ALDH1L1: variants seen among roughly 807,000 people sequenced by gnomAD.
ALDH1L1 encodes aldehyde dehydrogenase 1 family member L1.
A neutral mutation model predicts 101.1 loss-of-function variants in ALDH1L1; 68 were observed. The observed-to-expected ratio is 0.67, with a 90% CI of 0.55 to 0.82. The LOEUF (loss-of-function observed/expected upper bound fraction) is 0.82, where lower values mean the gene tolerates loss of function less well. ALDH1L1 is among the 40% of genes least tolerant of loss of function. The pLI is 0.00. For synonymous variants in ALDH1L1, 486 were observed against 470.8 expected (o/e 1.03, Z -0.42); for missense variants, 1,087 against 1,172.7 (o/e 0.93, Z 1.07).
At chr3:126,112,676 C>A (rs1576413711) in intron 19 of ALDH1L1, 106 bp downstream of exon 19, 2 of 1,085,598 alleles carry the variant, frequency 1.8e-6, no homozygotes, top group African/African-American at 1.5e-5. Flanking sequence ...CCAGGAGGAG[C>A]CCAGCCTCAC....
At chr3:126,116,064 T>G (rs2079963377) in intron 17 of ALDH1L1, among the ~76,000 whole-genome samples, 2 of 150,786 alleles carry the variant, frequency 1.3e-5, no homozygotes, top group Admixed American at 1.3e-4. Context: ...GTATTTTTTG[T>G]AGAGATGGGG....
intron 19 of ALDH1L1, 75 bp from the exon 20 acceptor site, chr3:126,110,184 T>G (rs940958546): frequency 2.4e-5 from 37 of 1,563,606 alleles, no homozygotes; most frequent in Middle Eastern, 1.7e-4. Flanking sequence ...CTGACTCAGC[T>G]CTCATGGCTG....
At chr3:126,142,230 G>A (rs2080582837) in intron 9 of ALDH1L1, among the ~76,000 whole-genome samples, 1 of 149,308 alleles carries the variant, frequency 6.7e-6, no homozygotes, top group Non-Finnish European at 1.5e-5. Flanking sequence ...GAAAAGCCCA[G>A]GGCTGAATGA....
Position 126,119,345 on chromosome 3 carries a change from G to A in ALDH1L1, c.1889-1247C>T, listed in dbSNP as rs1224175830. Among the ~76,000 whole-genome samples the A allele has an allele frequency of 2.0e-5, 3 of 152,294 alleles. No homozygotes were observed. In the South Asian group the frequency reaches 6.2e-4, roughly 32 times the overall value. On this transcript the variant is annotated intron_variant, in intron 16 of 22. Transcript: ENST00000393434. The stretch of plus-strand genomic sequence containing the variant: ...TCTCAAATTCAACATATTTGAAACT[G>A]AACTCTTAATCGTTCACCTAGACCT...
intron 22 of ALDH1L1, 33 bp downstream of exon 22, chr3:126,105,693 A>G: frequency 6.2e-7 from 1 of 1,612,898 alleles, no homozygotes; most frequent in East Asian, 2.2e-5. Flanking sequence ...GAATGAATAA[A>G]TGAAAGCAAC....
At chr3:126,137,019 G>A (rs769565104) in intron 10 of ALDH1L1, 136 bp from the exon 11 acceptor site, 37 of 1,295,854 alleles carry the variant, frequency 2.9e-5, no homozygotes, top group Non-Finnish European at 3.8e-5. Context: ...CAACAGCTGA[G>A]CAGGGGAGAG....
chr3:126,169,547 A>G (rs2081233652), intron 1 of ALDH1L1, among the ~76,000 whole-genome samples: 1 of 152,224 alleles, frequency 6.6e-6, no homozygotes, highest in Non-Finnish European at 1.5e-5. Context: ...GTCCCTGTAC[A>G]GGGTTTCTGA....
At chr3:126,114,762 A>C (rs1428995614) in intron 17 of ALDH1L1, 106 bp from the exon 18 acceptor site, 1 of 1,082,162 alleles carries the variant, frequency 9.2e-7, no homozygotes, top group South Asian at 1.3e-5. Context: ...GCTTTGCTGC[A>C]AGAAGCAAGA....
Position 126,110,354 on chromosome 3 carries a change from G to A in ALDH1L1, c.2182-245C>T, listed in dbSNP as rs72965963. The stretch of plus-strand genomic sequence containing the variant: ...CAGCAACATATGGGCTGGAAATGGA[G>A]ACATACAGGGGTGTGGGTGAGGAGG... On this transcript the variant is annotated intron_variant, in intron 19 of 22. Transcript: ENST00000393434. 1.6e-3 allele frequency: 886 copies of A among 566,088 alleles called. 6 individuals are homozygous for A. The highest frequency in any genetic ancestry group is 0.015 in the African/African-American group (809 of 53,380). 35.1% of individuals were successfully genotyped at this position (566,088 alleles called of 1,614,324 possible).
intron 1 of ALDH1L1, among the ~76,000 whole-genome samples, chr3:126,178,049 A>AG (rs938436851): frequency 3.3e-5 from 5 of 150,694 alleles, no homozygotes; most frequent in African/African-American, 1.2e-4. Flanking sequence ...TCAAAAAGAA[A>AG]AAAGCTGTAA....
intron 1 of ALDH1L1, among the ~76,000 whole-genome samples, chr3:126,166,353 T>C (rs4679102): frequency 0.6 from 91,461 of 151,994 alleles, 27,743 homozygotes; most frequent in Middle Eastern, 0.65. Context: ...AATTCCTGCA[T>C]ATAACTCAAT....
At chr3:126,187,027 C>T (rs560974100) in intron 1 of ALDH1L1, among the ~76,000 whole-genome samples, 7 of 152,236 alleles carry the variant, frequency 4.6e-5, no homozygotes, top group African/African-American at 1.4e-4. Context: ...CAGGGCTGCT[C>T]AGGGGGAGCG....
intron 16 of ALDH1L1, among the ~76,000 whole-genome samples, chr3:126,118,852 C>T (rs1334804555): frequency 6.6e-6 from 1 of 152,108 alleles, no homozygotes; most frequent in Non-Finnish European, 1.5e-5. Context: ...GATTCCTGCC[C>T]CGTCCCACGC....
At position 126,135,618 on chromosome 3, in the gene ALDH1L1, C is replaced by T. The variant is rs751640921; in HGVS notation, c.1389G>A (p.Lys463=). ...AGGCATCCTTGGCTGCGGCCACTGCCTTGTCGACGTCGGTGACTTGGGCCA... is the reference window on the plus strand; with the variant it reads ...AGGCATCCTTGGCTGCGGCCACTGCTTTGTCGACGTCGGTGACTTGGGCCA... ...VSLAQVTDVD[K]AVAAAKDAFE... Residue 463 remains lysine (K), a synonymous_variant, in exon 12 of 23, where the codon AAG becomes AAA. Coordinates refer to ENST00000393434, the MANE Select transcript of ALDH1L1 (RefSeq NM_012190.4). The T allele has an allele frequency of 6.3e-7, 1 of 1,591,542 alleles. No homozygotes were observed. The highest frequency in any genetic ancestry group is 8.6e-7 in the Non-Finnish European group (1 of 1,169,170).
intron 17 of ALDH1L1, chr3:126,115,487 CTT>C (rs35580198): frequency 1.6e-3 from 231 of 141,906 alleles, no homozygotes; most frequent in Admixed American, 2.2e-3. Context: ...CTTTGCTCTT[CTT>C]TTTTTTTTTT....
intron 1 of ALDH1L1, among the ~76,000 whole-genome samples, chr3:126,173,768 G>A (rs147374691): frequency 7.2e-5 from 11 of 152,268 alleles, no homozygotes; most frequent in East Asian, 1.9e-4. Context: ...AAGATATACC[G>A]TGCTACCACT....
intron 1 of ALDH1L1, among the ~76,000 whole-genome samples, chr3:126,162,564 T>G (rs2081082196): frequency 6.6e-6 from 1 of 152,236 alleles, no homozygotes; most frequent in African/African-American, 2.4e-5. Context: ...TTGCTCTGTT[T>G]TGTTTTTTAA....
chr3:126,122,484 T>C (rs1294063552), intron 16 of ALDH1L1, among the ~76,000 whole-genome samples: 5 of 152,164 alleles, frequency 3.3e-5, no homozygotes, highest in African/African-American at 7.2e-5. Context: ...CTCAAATCCA[T>C]AGGACCAGCT....
At chr3:126,154,002 C>T (rs1485590037) in intron 6 of ALDH1L1, among the ~76,000 whole-genome samples, 1 of 152,246 alleles carries the variant, frequency 6.6e-6, no homozygotes, top group Non-Finnish European at 1.5e-5. Flanking sequence ...AGAGAGGCTT[C>T]TGGCCACAGT....
Sources: gnomAD v4.1 joint callset for allele counts (sites outside exome capture counted in the v4.1 genomes callset) on GRCh38, gnomAD v4.1.1 for gene constraint, MANE v1.5 for transcripts, NCBI Gene and HGNC (gene_info 2026-07-23, HGNC 2026-07-21) for gene names.